The following SPATA16 variants were observed in gnomAD, a reference collection of about 807,000 sequenced individuals.
The protein encoded by SPATA16 is spermatogenesis associated 16, also known as spermatogenesis-associated protein 16.
Under a neutral mutation model 63.3 loss-of-function variants are expected in SPATA16, and 36 were observed. The observed-to-expected ratio is 0.57, with a 90% CI of 0.44 to 0.75. The LOEUF is 0.75. SPATA16 is among the 30% of genes least tolerant of loss of function. SPATA16 has a pLI of 0.00. For synonymous variants in SPATA16, 203 were observed against 216.7 expected (o/e 0.94, Z 0.56); for missense variants, 646 against 679.3 (o/e 0.95, Z 0.54).
intron 2 of SPATA16, among the ~76,000 whole-genome samples, chr3:173,063,927 C>T (rs1384930140): frequency 2.0e-5 from 3 of 152,136 alleles, no homozygotes; most frequent in Admixed American, 1.3e-4. Context: ...TGGGCAGCCT[C>T]CCAAGCTGGA....
At chr3:173,030,636 A>G (rs1422661047) in intron 3 of SPATA16, among the ~76,000 whole-genome samples, 1 of 152,094 alleles carries the variant, frequency 6.6e-6, no homozygotes, top group Non-Finnish European at 1.5e-5. Context: ...TGGGATTGTA[A>G]AATGATGCAC....
chr3:172,903,530 T>C (rs990303627), intron 10 of SPATA16, among the ~76,000 whole-genome samples: 1 of 152,202 alleles, frequency 6.6e-6, no homozygotes, highest in Non-Finnish European at 1.5e-5. Context: ...GTTATGGCAA[T>C]ATATGCTTAT....
intron 5 of SPATA16, among the ~76,000 whole-genome samples, chr3:172,960,933 CTCTT>C (rs1670417837): frequency 6.9e-6 from 1 of 144,858 alleles, no homozygotes; most frequent in African/African-American, 2.7e-5. Flanking sequence ...TTCCTTCCTT[CTCTT>C]TCTCTCTTCC....
rs181203606 is a variant in SPATA16, at chr3:173,088,007, C to T, written c.612+29113G>A. Among the ~76,000 whole-genome samples the T allele has an allele frequency of 6.0e-3, 712 of 118,356 alleles. 27 individuals carry two copies. Among genetic ancestry groups the T allele is most frequent in the African/African-American group, 0.024 (677 of 28,552 alleles). 77.6% of individuals were successfully genotyped at this position (118,356 alleles called of 152,430 possible). On this transcript the variant is annotated intron_variant, in intron 2 of 10. Transcript: ENST00000351008. ...AATCTGATGATTAGCATTTTCTTTC[C>T]GTCTTTCTTTCTTTCTTTCTTTCTT...
intron 5 of SPATA16, among the ~76,000 whole-genome samples, chr3:172,960,875 C>CTCTT (rs57268955): frequency 0.042 from 5,936 of 142,236 alleles, 461 homozygotes; most frequent in African/African-American, 0.15. Context: ...CTTTCTTTCT[C>CTCTT]TCTTTCTTTC....
At chr3:173,057,356 T>G (rs1400562000) in intron 2 of SPATA16, among the ~76,000 whole-genome samples, 2 of 151,976 alleles carry the variant, frequency 1.3e-5, no homozygotes, top group Non-Finnish European at 2.9e-5. Flanking sequence ...CTCTTGATCC[T>G]CCCGTCTCGG....
intron 6 of SPATA16, among the ~76,000 whole-genome samples, chr3:172,947,187 G>A (rs1475361759): frequency 6.6e-6 from 1 of 152,176 alleles, no homozygotes; most frequent in Admixed American, 6.5e-5. Flanking sequence ...CAAAGATTTA[G>A]ATCACAACAC....
intron 6 of SPATA16, among the ~76,000 whole-genome samples, chr3:172,953,526 T>C (rs541155637): frequency 1.3e-5 from 2 of 152,140 alleles, no homozygotes; most frequent in Non-Finnish European, 2.9e-5. Flanking sequence ...GTAAGGGTGG[T>C]TGGAGTACAT....
At chr3:173,121,876 G>A (rs1051855741) in intron 1 of SPATA16, among the ~76,000 whole-genome samples, 11 of 151,990 alleles carry the variant, frequency 7.2e-5, no homozygotes, top group Admixed American at 2.0e-4. Flanking sequence ...CAAGTGAATC[G>A]TGTACCAACT....
At chr3:172,967,982 C>T (rs1194320811) in intron 5 of SPATA16, among the ~76,000 whole-genome samples, 1 of 152,080 alleles carries the variant, frequency 6.6e-6, no homozygotes, top group Admixed American at 6.6e-5. Context: ...TGAAACCATC[C>T]CCCCACCCTA....
intron 3 of SPATA16, among the ~76,000 whole-genome samples, chr3:173,021,728 T>TTATTTATA (rs1735336540): frequency 1.0e-5 from 1 of 97,088 alleles, no homozygotes; most frequent in Non-Finnish European, 2.0e-5. Context: ...TACTTTTTAT[T>TTATTTATA]TATTTATTTA....
Position 172,976,988 on chromosome 3 carries a change from G to A in SPATA16, c.913C>T (p.Leu305Phe). ...TTTACCTGCCAATACAGTTTGATGA[G>A]CTTGCTTATGCTCTCTTCCCTTCCT... ...GGGREESISKLIKLYWQAMIE... is the reference protein window; with the variant it reads ...GGGREESISKFIKLYWQAMIE... The change falls in exon 5 of 11, where the codon CTC becomes TTC. Residue 305 changes from leucine (L) to phenylalanine (F), a missense_variant. Coordinates refer to ENST00000351008, the MANE Select transcript of SPATA16 (RefSeq NM_031955.6). 6.2e-7 allele frequency: 1 copy of A among 1,612,078 alleles called. No individual in the cohort carries two copies. The highest frequency in any genetic ancestry group is 8.5e-7 in the Non-Finnish European group (1 of 1,179,368).
intron 10 of SPATA16, among the ~76,000 whole-genome samples, chr3:172,912,507 C>G (rs1460511387): frequency 1.3e-5 from 2 of 151,614 alleles, no homozygotes; most frequent in Non-Finnish European, 2.9e-5. Context: ...ATGTGTAGGT[C>G]CATTTATAGG....
intron 2 of SPATA16, among the ~76,000 whole-genome samples, chr3:173,070,170 G>A (rs967375076): frequency 6.6e-6 from 1 of 152,032 alleles, no homozygotes. Flanking sequence ...CAAGGTGGGT[G>A]GATCACTTGA....
chr3:172,916,639 C>T (rs1369570980), intron 8 of SPATA16, among the ~76,000 whole-genome samples, 158 bp from the exon 9 acceptor site: 2 of 152,180 alleles, frequency 1.3e-5, no homozygotes, highest in Non-Finnish European at 2.9e-5. Flanking sequence ...ACAGAATTGT[C>T]TTATACCTCT....
At chr3:172,964,499 A>G (rs1197085178) in intron 5 of SPATA16, among the ~76,000 whole-genome samples, 1 of 152,206 alleles carries the variant, frequency 6.6e-6, no homozygotes, top group Non-Finnish European at 1.5e-5. Context: ...AAGGTGTCAC[A>G]GAAATAAATA....
At chr3:172,947,405 C>T (rs1162243672) in intron 6 of SPATA16, among the ~76,000 whole-genome samples, 3 of 147,940 alleles carry the variant, frequency 2.0e-5, no homozygotes, top group Non-Finnish European at 4.4e-5. Flanking sequence ...GGGAACCCAC[C>T]TTGGATTTCC....
intron 2 of SPATA16, among the ~76,000 whole-genome samples, chr3:173,079,258 A>T (rs1736874977): frequency 6.6e-6 from 1 of 152,082 alleles, no homozygotes; most frequent in African/African-American, 2.4e-5. Context: ...ATATGCAGTC[A>T]TCATTATGAC....
intron 2 of SPATA16, among the ~76,000 whole-genome samples, chr3:173,083,041 T>C (rs2108314524): frequency 6.6e-6 from 1 of 152,236 alleles, no homozygotes; most frequent in African/African-American, 2.4e-5. Flanking sequence ...TTGTATCTTT[T>C]AAAGTACATA....
Sources: allele counts gnomAD v4.1 joint callset (sites outside exome capture counted in the v4.1 genomes callset), GRCh38; gene constraint gnomAD v4.1.1; transcripts MANE v1.5; gene names NCBI Gene and HGNC (gene_info 2026-07-23, HGNC 2026-07-21).